TNS3: variants seen among roughly 807,000 people sequenced by gnomAD.
TNS3 encodes tensin 3, also known as tensin-3.
In TNS3, 45 loss-of-function variants were observed where a neutral mutation model predicts 140.9. That is an observed-to-expected ratio of 0.32 (90% CI 0.25 to 0.41). TNS3 has a LOEUF of 0.41. Among genes scored for constraint, TNS3 ranks in the 10% least tolerant of loss-of-function variants. The pLI is 1.00. For missense variants in TNS3, 1,716 were observed against 1,906.7 expected (o/e 0.90, Z 1.86); for synonymous variants, 815 against 788.4 (o/e 1.03, Z -0.56).
chr7:47,557,453 AAG>A (rs1165529674), intron 1 of TNS3, among the ~76,000 whole-genome samples: 1 of 152,180 alleles, frequency 6.6e-6, no homozygotes, highest in Non-Finnish European at 1.5e-5. Context: ...ACAGGAAAGG[AAG>A]AGTCACAATG....
chr7:47,580,564 G>C (rs762877214), intron 1 of TNS3, among the ~76,000 whole-genome samples: 1 of 120,296 alleles, frequency 8.3e-6, no homozygotes, highest in Non-Finnish European at 1.6e-5. Context: ...CTCCATCTCT[G>C]TGTAATGGCC....
At chr7:47,428,568 C>T (rs115201278) in intron 8 of TNS3, among the ~76,000 whole-genome samples, 192 bp from the exon 9 acceptor site, 2,012 of 152,296 alleles carry the variant, frequency 0.013, 40 homozygotes, top group African/African-American at 0.046. Flanking sequence ...ACAGGGAACC[C>T]GCACGCTGGG....
chr7:47,306,725 C>G (rs1015483644), intron 20 of TNS3, among the ~76,000 whole-genome samples: 1 of 152,176 alleles, frequency 6.6e-6, no homozygotes, highest in African/African-American at 2.4e-5. Context: ...CAGGCACCTG[C>G]CACCACACCC....
intron 20 of TNS3, among the ~76,000 whole-genome samples, chr7:47,328,037 C>T (rs1481805035): frequency 1.3e-5 from 2 of 152,202 alleles, no homozygotes; most frequent in Non-Finnish European, 2.9e-5. Flanking sequence ...GTGGGCCAGA[C>T]AGAGGGAACT....
intron 1 of TNS3, among the ~76,000 whole-genome samples, chr7:47,568,268 C>A (rs1219724260): frequency 6.6e-6 from 1 of 152,288 alleles, no homozygotes; most frequent in African/African-American, 2.4e-5. Context: ...GAGCAGGCCA[C>A]GGGATCGTCT....
chr7:47,352,676 G>A (rs1412224636), intron 17 of TNS3, among the ~76,000 whole-genome samples: 11 of 152,214 alleles, frequency 7.2e-5, no homozygotes, highest in Non-Finnish European at 1.2e-4. Context: ...CCACTGTAGA[G>A]GGGTTGGTTC....
At chr7:47,515,743 C>T (rs570290805) in intron 2 of TNS3, among the ~76,000 whole-genome samples, 25 of 152,296 alleles carry the variant, frequency 1.6e-4, no homozygotes, top group Admixed American at 1.2e-3. Flanking sequence ...ACCATCATCA[C>T]CATCAATTAC....
intron 16 of TNS3, among the ~76,000 whole-genome samples, chr7:47,377,685 C>T (rs897183760): frequency 6.6e-6 from 1 of 151,726 alleles, no homozygotes; most frequent in Non-Finnish European, 1.5e-5. Flanking sequence ...GATCTCCTCC[C>T]TTCCTTCCCT....
rs568324579 is a variant in TNS3 at position 47,392,531 on chromosome 7, A to T, written c.1024+4269T>A. 2.9e-3 allele frequency among the ~76,000 whole-genome samples: 443 copies of T among 152,308 alleles called. 5 individuals are homozygous for T. Among genetic ancestry groups the T allele is most frequent in the Middle Eastern group, 0.01 (3 of 294 alleles). ...GGTGGAAAAGAGAGTGCCGCAATAC[A>T]TCATTTTCCCAGCTAAAAGAGAATG... On this transcript the variant is annotated intron_variant, in intron 16 of 30. Transcript: ENST00000311160.
At chr7:47,420,913 C>T (rs536235596) in intron 10 of TNS3, among the ~76,000 whole-genome samples, 70 of 152,306 alleles carry the variant, frequency 4.6e-4, no homozygotes, top group African/African-American at 1.6e-3. Flanking sequence ...AGGATAATTT[C>T]TAGGACATCC....
intron 3 of TNS3, 108 bp downstream of exon 3, chr7:47,506,799 G>T: frequency 1.2e-6 from 1 of 833,444 alleles, no homozygotes; most frequent in Non-Finnish European, 1.7e-6. Flanking sequence ...CTTTCCTAAA[G>T]AGTTTTCTTT....
chr7:47,296,067 G>T (rs1168461150), intron 24 of TNS3, among the ~76,000 whole-genome samples: 1 of 152,080 alleles, frequency 6.6e-6, no homozygotes, highest in Non-Finnish European at 1.5e-5. Context: ...TTTCCATTTG[G>T]GGAGACAGAC....
intron 17 of TNS3, among the ~76,000 whole-genome samples, chr7:47,357,136 C>T (rs1790040272): frequency 6.6e-6 from 1 of 152,080 alleles, no homozygotes; most frequent in Non-Finnish European, 1.5e-5. Context: ...CAGGTGAAAA[C>T]TCATGACATG....
chr7:47,537,523 A>C (rs1799646738), intron 1 of TNS3, among the ~76,000 whole-genome samples: 1 of 152,034 alleles, frequency 6.6e-6, no homozygotes, highest in Non-Finnish European at 1.5e-5. Context: ...AGGATCTTGC[A>C]GCCGCCATCT....
chr7:47,345,912 G>C (rs921569235), intron 18 of TNS3, among the ~76,000 whole-genome samples: 1 of 152,200 alleles, frequency 6.6e-6, no homozygotes, highest in Non-Finnish European at 1.5e-5. Context: ...ATAGAGGCTC[G>C]AGTGCCCTGA....
intron 2 of TNS3, among the ~76,000 whole-genome samples, chr7:47,519,925 G>A (rs1393874889): frequency 7.3e-6 from 1 of 137,068 alleles, no homozygotes; most frequent in Non-Finnish European, 1.5e-5. Flanking sequence ...CCGGGTTCAT[G>A]TCATTCTCCT....
intron 20 of TNS3, among the ~76,000 whole-genome samples, chr7:47,338,685 G>A (rs956769153): frequency 2.0e-5 from 3 of 152,016 alleles, no homozygotes; most frequent in Non-Finnish European, 2.9e-5. Flanking sequence ...CTTTTTTTAC[G>A]TCTGCGGAGT....
chr7:47,435,959 A>G (rs1239817408), intron 7 of TNS3, among the ~76,000 whole-genome samples: 1 of 152,248 alleles, frequency 6.6e-6, no homozygotes, highest in African/African-American at 2.4e-5. Context: ...GCAGAACTGC[A>G]GCTCTGAGCG....
At chr7:47,380,067 C>T (rs1039261110) in intron 16 of TNS3, among the ~76,000 whole-genome samples, 1 of 152,250 alleles carries the variant, frequency 6.6e-6, no homozygotes, top group Non-Finnish European at 1.5e-5. Context: ...AGGAGCTGGG[C>T]CAGATTCCAA....
Sources: allele counts gnomAD v4.1 joint callset (sites outside exome capture counted in the v4.1 genomes callset), GRCh38; gene constraint gnomAD v4.1.1; transcripts MANE v1.5; gene names NCBI Gene and HGNC (gene_info 2026-07-23, HGNC 2026-07-21).